The following PLEKHA7 variants were observed in gnomAD, a reference collection of about 807,000 sequenced individuals.
PLEKHA7 encodes pleckstrin homology domain-containing family A member 7.
PLEKHA7 carries 104 observed loss-of-function variants against 170.0 expected under a neutral mutation model. The ratio of observed to expected loss-of-function variants is 0.61; its 90% CI spans 0.52 to 0.72. The LOEUF (loss-of-function observed/expected upper bound fraction) is 0.72. PLEKHA7 is among the 30% of genes least tolerant of loss of function. The pLI, the probability that PLEKHA7 is intolerant of heterozygous loss-of-function variation, is 0.00. For missense variants in PLEKHA7, 1,615 were observed against 1,671.7 expected (o/e 0.97, Z 0.59); for synonymous variants, 648 against 660.8 (o/e 0.98, Z 0.30).
chr11:16,892,195 C>T (rs1267375035), intron 3 of PLEKHA7, among the ~76,000 whole-genome samples: 1 of 152,158 alleles, frequency 6.6e-6, no homozygotes, highest in Non-Finnish European at 1.5e-5. Context: ...TCTATGAATC[C>T]ATAAAATGCA....
intron 24 of PLEKHA7, among the ~76,000 whole-genome samples, chr11:16,785,479 A>T (rs1849334228): frequency 6.6e-6 from 1 of 152,218 alleles, no homozygotes; most frequent in Admixed American, 6.5e-5. Context: ...GCCAGGGACT[A>T]GGGATACAAA....
intron 24 of PLEKHA7, among the ~76,000 whole-genome samples, chr11:16,784,752 G>A (rs1024025416): frequency 6.6e-5 from 10 of 152,302 alleles, no homozygotes; most frequent in African/African-American, 1.7e-4. Flanking sequence ...AAACCCACAC[G>A]CAGCCCTTTC....
At chr11:16,826,618 G>A (rs1440281268) in intron 9 of PLEKHA7, 28 bp from the exon 10 acceptor site, 2 of 1,582,464 alleles carry the variant, frequency 1.3e-6, no homozygotes, top group African/African-American at 2.7e-5. Context: ...CATTCAGTTT[G>A]CTCCACAGCC....
intron 3 of PLEKHA7, among the ~76,000 whole-genome samples, chr11:16,913,942 G>A (rs368043288): frequency 6.5e-4 from 99 of 152,244 alleles, no homozygotes; most frequent in African/African-American, 2.2e-3. Flanking sequence ...TAAGAAAATC[G>A]TTCTTTAAAA....
chr11:16,952,418 G>C (rs865977674), intron 3 of PLEKHA7, among the ~76,000 whole-genome samples: 1 of 152,288 alleles, frequency 6.6e-6, no homozygotes, highest in Middle Eastern at 3.4e-3. Context: ...GGGCCCAGAA[G>C]ACTTTGTGAG....
chr11:16,915,583 A>G (rs1272833114), intron 3 of PLEKHA7, among the ~76,000 whole-genome samples: 2 of 141,420 alleles, frequency 1.4e-5, no homozygotes, highest in African/African-American at 2.7e-5. Flanking sequence ...TCATTGTTCA[A>G]TTCCCACCTA....
At chr11:16,889,420 A>AAAAAATATATATATATAT (rs61086849) in intron 3 of PLEKHA7, among the ~76,000 whole-genome samples, 1 of 74,686 alleles carries the variant, frequency 1.3e-5, no homozygotes, top group Non-Finnish European at 2.4e-5. Flanking sequence ...AAAAAAAAAA[A>AAAAAATATATATATATAT]ATATATATAT....
chr11:16,848,487 A>C (rs984497365), intron 8 of PLEKHA7, among the ~76,000 whole-genome samples: 1 of 152,262 alleles, frequency 6.6e-6, no homozygotes, highest in South Asian at 2.1e-4. Context: ...AGGGAAATCT[A>C]TTATATTGAA....
At chr11:17,007,714 TGG>T (rs1396286434) in intron 3 of PLEKHA7, among the ~76,000 whole-genome samples, 2 of 151,882 alleles carry the variant, frequency 1.3e-5, no homozygotes, top group African/African-American at 2.4e-5. Context: ...GCTGGGACTA[TGG>T]CCATGCACCA....
At chr11:16,803,462 C>G (rs539430082) in intron 13 of PLEKHA7, 167 bp from the exon 14 acceptor site, 1 of 635,330 alleles carries the variant, frequency 1.6e-6, no homozygotes, top group African/African-American at 1.8e-5. Context: ...ATTTCTATGC[C>G]TATTTCATTT....
chr11:16,801,840 A>C (rs1203980022), intron 15 of PLEKHA7, 23 bp from the exon 16 acceptor site: 1 of 1,613,466 alleles, frequency 6.2e-7, no homozygotes, highest in Non-Finnish European at 8.5e-7. Context: ...GGGCCAAAAA[A>C]CAGCAGGATA....
At chr11:16,865,963 G>A (rs1331724777) in intron 4 of PLEKHA7, among the ~76,000 whole-genome samples, 3 of 151,486 alleles carry the variant, frequency 2.0e-5, no homozygotes, top group Non-Finnish European at 4.4e-5. Context: ...TCAGCCTCCC[G>A]AGTAGCTGGG....
At chr11:17,011,505 T>C (rs183060981) in intron 3 of PLEKHA7, among the ~76,000 whole-genome samples, 97 of 152,334 alleles carry the variant, frequency 6.4e-4, no homozygotes, top group African/African-American at 2.2e-3. Context: ...ACTGACTCCC[T>C]GTCTTCACCC....
chr11:16,918,894 A>AT (rs1029435691), intron 3 of PLEKHA7, among the ~76,000 whole-genome samples: 1 of 152,060 alleles, frequency 6.6e-6, no homozygotes, highest in Non-Finnish European at 1.5e-5. Context: ...ACATACTCAC[A>AT]TAAAAAAAAA....
chr11:16,964,406 C>A (rs1187656403), intron 3 of PLEKHA7, among the ~76,000 whole-genome samples: 1 of 152,202 alleles, frequency 6.6e-6, no homozygotes, highest in Non-Finnish European at 1.5e-5. Flanking sequence ...GGCAGCTGCA[C>A]TATTTTACTT....
At chr11:17,005,540 AAAAG>A (rs1864934553) in intron 3 of PLEKHA7, among the ~76,000 whole-genome samples, 1 of 152,172 alleles carries the variant, frequency 6.6e-6, no homozygotes, top group African/African-American at 2.4e-5. Context: ...TCAAAACAAA[AAAAG>A]AAAGAGAGAG....
At chr11:16,907,542 G>A (rs1278906037) in intron 3 of PLEKHA7, among the ~76,000 whole-genome samples, 2 of 117,414 alleles carry the variant, frequency 1.7e-5, no homozygotes, top group African/African-American at 6.3e-5. Context: ...CCAGCCAGCC[G>A]CCCCGTCCGG....
intron 3 of PLEKHA7, among the ~76,000 whole-genome samples, chr11:16,996,706 G>A (rs371308749): frequency 3.9e-5 from 6 of 152,298 alleles, no homozygotes; most frequent in East Asian, 3.9e-4. Context: ...GGAGGCCGAG[G>A]CGGGCGGATC....
intron 9 of PLEKHA7, among the ~76,000 whole-genome samples, chr11:16,835,447 AAG>A (rs1391887150): frequency 6.6e-6 from 1 of 152,154 alleles, no homozygotes; most frequent in South Asian, 2.1e-4. Flanking sequence ...CCTGGCAGAG[AAG>A]AGAGTGCAGT....
Sources: gnomAD v4.1 joint callset for allele counts (sites outside exome capture counted in the v4.1 genomes callset) on GRCh38, gnomAD v4.1.1 for gene constraint, MANE v1.5 for transcripts, NCBI Gene and HGNC (gene_info 2026-07-23, HGNC 2026-07-21) for gene names.